Variants in CDYL2 observed in about 807,000 individuals in gnomAD.
CDYL2 encodes the protein chromodomain Y like 2, also known as chromodomain Y-like protein 2.
CDYL2 carries 23 observed loss-of-function variants against 49.4 expected under a neutral mutation model. The observed-to-expected ratio is 0.47, with a 90% CI of 0.34 to 0.66. The LOEUF is 0.66. Among genes scored for constraint, CDYL2 ranks in the 30% least tolerant of loss-of-function variants. CDYL2 has a pLI of 0.01. For missense variants in CDYL2, 678 were observed against 656.4 expected (o/e 1.03, Z -0.36); for synonymous variants, 360 against 268.8 (o/e 1.34, Z -3.32).
intron 2 of CDYL2, among the ~76,000 whole-genome samples, chr16:80,681,861 C>A (rs1909979896): frequency 6.6e-6 from 1 of 152,178 alleles, no homozygotes; most frequent in South Asian, 2.1e-4. Context: ...CCATACCTAT[C>A]TCTTCATTAC....
At chr16:80,666,740 T>C (rs1249019306) in intron 2 of CDYL2, among the ~76,000 whole-genome samples, 1 of 152,170 alleles carries the variant, frequency 6.6e-6, no homozygotes, top group East Asian at 1.9e-4. Flanking sequence ...GGCCAGGGGA[T>C]GGGCAGCTTT....
chr16:80,758,541 C>CTTTTTTTTTTTT (rs58565125), intron 1 of CDYL2, among the ~76,000 whole-genome samples: 1 of 117,096 alleles, frequency 8.5e-6, no homozygotes. Context: ...TGCTGCAGCA[C>CTTTTTTTTTTTT]TTTTTTTTTT....
At chr16:80,798,761 A>G (rs1907839900) in intron 1 of CDYL2, among the ~76,000 whole-genome samples, 1 of 152,186 alleles carries the variant, frequency 6.6e-6, no homozygotes, top group Non-Finnish European at 1.5e-5. Flanking sequence ...CCAACTTTAT[A>G]CAGCAATTTC....
chr16:80,679,646 T>C (rs1383755809), intron 2 of CDYL2: 3 of 455,314 alleles, frequency 6.6e-6, no homozygotes, highest in South Asian at 1.6e-5. Flanking sequence ...CTTACAGCTT[T>C]TCATTTCACA....
chr16:80,691,733 G>A (rs532480958), intron 1 of CDYL2, among the ~76,000 whole-genome samples: 1 of 152,248 alleles, frequency 6.6e-6, no homozygotes, highest in African/African-American at 2.4e-5. Context: ...TATTTGTGGT[G>A]TGTCTTCCAA....
At chr16:80,679,552 C>T (rs75294035) in intron 2 of CDYL2, among the ~76,000 whole-genome samples, 4 of 152,312 alleles carry the variant, frequency 2.6e-5, no homozygotes, top group Admixed American at 6.5e-5. Context: ...CTACCTCTCA[C>T]GACTGCCATG....
chr16:80,640,258 C>G (rs1487329291), intron 2 of CDYL2, among the ~76,000 whole-genome samples: 2 of 152,164 alleles, frequency 1.3e-5, no homozygotes, highest in East Asian at 3.9e-4. Flanking sequence ...AGGACTTTGT[C>G]TTGCATTTTG....
intron 1 of CDYL2, among the ~76,000 whole-genome samples, chr16:80,687,332 A>G (rs1910235832): frequency 6.6e-6 from 1 of 152,168 alleles, no homozygotes; most frequent in South Asian, 2.1e-4. Flanking sequence ...GAAGTGGAGG[A>G]CCATGTTAGA....
chr16:80,803,034 C>T (rs553779425), intron 1 of CDYL2, among the ~76,000 whole-genome samples: 51 of 152,302 alleles, frequency 3.3e-4, no homozygotes, highest in Admixed American at 6.5e-4. Flanking sequence ...CCCAGAAGGC[C>T]CTCTGGTTGA....
chr16:80,623,098 G>A (rs949359524), intron 3 of CDYL2, among the ~76,000 whole-genome samples: 1 of 152,306 alleles, frequency 6.6e-6, no homozygotes, highest in East Asian at 1.9e-4. Context: ...TCTGCCCCAA[G>A]CACTTTCAAA....
intron 1 of CDYL2, among the ~76,000 whole-genome samples, chr16:80,795,362 T>G (rs1907739747): frequency 6.6e-6 from 1 of 152,196 alleles, no homozygotes. Flanking sequence ...GGGAATAATT[T>G]GGCAGCGGTG....
chr16:80,790,034 G>A (rs974727308), intron 1 of CDYL2, among the ~76,000 whole-genome samples: 1 of 152,132 alleles, frequency 6.6e-6, no homozygotes, highest in African/African-American at 2.4e-5. Flanking sequence ...ACTAGCACAT[G>A]TACCCCAAAA....
At position 80,608,213 on chromosome 16, in the gene CDYL2, C is replaced by A; in HGVS notation, c.1241G>T (p.Gly414Val). 2 of 1,585,286 alleles carry A rather than the reference C, an allele frequency of 1.3e-6. No individual in the cohort carries two copies. The highest frequency in any genetic ancestry group is 2.3e-5 in the East Asian group (1 of 43,558). The change falls in exon 6 of 7, where the codon GGG (glycine) becomes GTG (valine). Residue 414 changes from glycine to valine, a missense_variant. Gly to Val is a moderately radical substitution (Grantham distance 109). Around this residue, in one of 3 missense-constraint regions of CDYL2, gnomAD observed 153 missense variants for 150.6 expected, o/e 1.02. Coordinates refer to ENST00000570137, the MANE Select transcript of CDYL2 (RefSeq NM_152342.4). The part of the protein sequence containing the change: ...VALANEMLFC[G>V]RKLTAQEACS... ...GGCCTCCTGGGCGGTGAGCTTCCGC[C>A]CACAGAACAGCATCTCATTGGCCTG... is the stretch of plus-strand genomic sequence containing the variant.
intron 1 of CDYL2, among the ~76,000 whole-genome samples, chr16:80,800,740 T>C (rs1907900569): frequency 6.6e-6 from 1 of 152,092 alleles, no homozygotes. Flanking sequence ...GTACTTTATA[T>C]ACTTAAACCA....
At chr16:80,693,252 A>G (rs1250715241) in intron 1 of CDYL2, among the ~76,000 whole-genome samples, 1 of 152,248 alleles carries the variant, frequency 6.6e-6, no homozygotes, top group Non-Finnish European at 1.5e-5. Context: ...TCACTTTTAC[A>G]CTGAAAATGT....
intron 1 of CDYL2, among the ~76,000 whole-genome samples, chr16:80,728,566 G>A (rs1239715462): frequency 1.3e-5 from 2 of 152,050 alleles, no homozygotes; most frequent in African/African-American, 4.8e-5. Context: ...AGCAAGGCAG[G>A]CCAACATTCA....
intron 2 of CDYL2, among the ~76,000 whole-genome samples, chr16:80,669,321 C>T (rs908727468): frequency 6.6e-6 from 1 of 152,026 alleles, no homozygotes; most frequent in African/African-American, 2.4e-5. Context: ...CCCCCAAGGC[C>T]CCACAGCCCA....
intron 1 of CDYL2, among the ~76,000 whole-genome samples, chr16:80,727,226 G>C (rs568773218): frequency 6.6e-6 from 1 of 152,356 alleles, no homozygotes; most frequent in East Asian, 1.9e-4. Context: ...GTGGGCACAG[G>C]TCACTGGGTG....
In CDYL2 at chr16:80,660,276, A is replaced by C. The variant is rs185847383; in HGVS notation, c.616+24262T>G. On this transcript the variant is annotated intron_variant, in intron 2 of 6. Coordinates refer to ENST00000570137, the MANE Select transcript of CDYL2 (RefSeq NM_152342.4). ...TAGTAAATGTAATTACTGGCTGTGA[A>C]AATAATAATCAATGGTGTTTAATAA... Among the ~76,000 whole-genome samples the C allele has an allele frequency of 8.1e-3, 1,227 of 152,200 alleles. 19 individuals carry two copies. The highest frequency in any genetic ancestry group is 0.028 in the African/African-American group (1,168 of 41,526).
Sources: allele counts gnomAD v4.1 joint callset (sites outside exome capture counted in the v4.1 genomes callset), GRCh38; gene constraint gnomAD v4.1.1; regional missense constraint gnomAD v4.1.1; transcripts MANE v1.5; gene names NCBI Gene and HGNC (gene_info 2026-07-23, HGNC 2026-07-21).